The following CLCA1 variants were observed in gnomAD, a reference collection of about 807,000 sequenced individuals.
CLCA1 encodes the protein chloride channel accessory 1.
In CLCA1, 59 loss-of-function variants were observed where a neutral mutation model predicts 85.6. That is an observed-to-expected ratio of 0.69 (90% CI 0.56 to 0.86). The LOEUF (loss-of-function observed/expected upper bound fraction) is 0.86, where lower values mean the gene tolerates loss of function less well. CLCA1 is among the 40% of genes least tolerant of loss of function. The pLI is 0.00. For missense variants in CLCA1, 1,022 were observed against 1,101.4 expected (o/e 0.93, Z 1.02); for synonymous variants, 396 against 398.3 (o/e 0.99, Z 0.07).
At position 86,499,863 on chromosome 1, in the gene CLCA1, G is replaced by T; in HGVS notation, c.2563G>T (p.Glu855Ter). ...QAVDKVDLKS[E>*]ISNIARVSLF... ...TGTTGATAAGGTCGATCTGAAATCA[G>T]AAATATCCAACATTGCACGAGTATC... The change falls in exon 14 of 14, where the codon GAA becomes TAA. Residue 855 changes from glutamate (E) to a stop codon, truncating the protein, a stop_gained. Transcript: ENST00000394711. LOFTEE classifies it low-confidence loss of function (END_TRUNC). The T allele has an allele frequency of 3.1e-6, 5 of 1,613,860 alleles. No individual in the cohort carries two copies. Among genetic ancestry groups the T allele is most frequent in the Non-Finnish European group, 4.2e-6 (5 of 1,179,746 alleles).
At position 86,492,889 on chromosome 1, in the gene CLCA1, C is replaced by T. The variant is rs5744396; in HGVS notation, c.1465-495C>T. Reference sequence around the variant, plus strand: ...GCTTCATATACCAATAAATATAGGGCGAAGCACAATATGATGAATGTCGAA... The same window carrying T: ...GCTTCATATACCAATAAATATAGGGTGAAGCACAATATGATGAATGTCGAA... On this transcript the variant is annotated intron_variant, in intron 9 of 13. Transcript: ENST00000394711. 8.3e-3 allele frequency among the ~76,000 whole-genome samples: 1,255 copies of T among 152,106 alleles called. 19 individuals are homozygous for T. Among genetic ancestry groups the T allele is most frequent in the African/African-American group, 0.026 (1,094 of 41,482 alleles).
rs200993741 is a variant in CLCA1 at position 86,495,456 on chromosome 1, A to G, written c.1943-49A>G. 3.7e-4 allele frequency: 548 copies of G among 1,476,946 alleles called. 1 individual carries two copies. Among genetic ancestry groups the G allele is most frequent in the Non-Finnish European group, 4.7e-4 (504 of 1,067,388 alleles). The allele number at this position is 1,476,946 out of a possible 1,614,324, so 91.5% of individuals were successfully genotyped here. A position where few individuals can be genotyped will look rare whatever the true frequency, so the allele number is the denominator to read the frequency against. On this transcript the variant is annotated intron_variant, in intron 11 of 13. Coordinates refer to ENST00000394711, the MANE Select transcript of CLCA1 (RefSeq NM_001285.4). ...GCCTACATATGAGTTGGAAATATACAAATACCCTCCCCGTTACCTATTTAT... is the reference window on the plus strand; with the variant it reads ...GCCTACATATGAGTTGGAAATATACGAATACCCTCCCCGTTACCTATTTAT...
At position 86,486,761 on chromosome 1, in the gene CLCA1, G is replaced by A. The variant is rs2101739971; in HGVS notation, c.1182+8G>A. 5 of 1,612,480 alleles carry A rather than the reference G, an allele frequency of 3.1e-6. No individual in the cohort carries two copies. Among genetic ancestry groups the A allele is most frequent in the Non-Finnish European group, 2.5e-6 (3 of 1,178,470 alleles). On this transcript the variant is annotated splice_region_variant and intron_variant, in intron 7 of 13. Coordinates refer to ENST00000394711, the MANE Select transcript of CLCA1 (RefSeq NM_001285.4). ...CTTCGATCGGCATTTACTGTGAGAT[G>A]TGTTTTTCTATTGTAGTTTGGAATG...
At chr1:86,476,179 C>CA (rs1283110842) in intron 3 of CLCA1, among the ~76,000 whole-genome samples, 1 of 152,214 alleles carries the variant, frequency 6.6e-6, no homozygotes, top group African/African-American at 2.4e-5. Flanking sequence ...CCCTCCACTA[C>CA]ACCAGGAGCT....
Position 86,492,353 on chromosome 1 carries a change from A to G in CLCA1, c.1464+982A>G, listed in dbSNP as rs527639724. 7.9e-5 allele frequency among the ~76,000 whole-genome samples: 12 copies of G among 152,364 alleles called. No individual in the cohort carries two copies. The East Asian group carries it at 2.3e-3, about 29-fold the overall frequency. On this transcript the variant is annotated intron_variant, in intron 9 of 13. Transcript: ENST00000394711. ...TGGAAAAGGGAGGAATGTCTCCTAG[A>G]AAAGTAATTAAAGTGATAAAAGGAC...
intron 4 of CLCA1, among the ~76,000 whole-genome samples, chr1:86,479,754 G>A (rs190198892): frequency 3.3e-5 from 5 of 152,114 alleles, no homozygotes; most frequent in African/African-American, 4.8e-5. Context: ...GCGTGGTGGC[G>A]GGTGCCTGTA....
chr1:86,481,795 C>T (rs758086254), intron 4 of CLCA1, among the ~76,000 whole-genome samples: 1 of 152,094 alleles, frequency 6.6e-6, no homozygotes, highest in Non-Finnish European at 1.5e-5. Flanking sequence ...CAGAACTCTA[C>T]AAAAACCATG....
chr1:86,474,565 A>AG lies in CLCA1; in HGVS notation c.451+689_451+690insG, dbSNP rs1558133482. On this transcript the variant is annotated intron_variant, in intron 3 of 13. Transcript: ENST00000394711. ...CGAGACTCCGTATCAAAAAAAAAAA[A>AG]AGGGGGGGGATTCTCATTCATTAGG... Among the ~76,000 whole-genome samples, 88 of 149,046 alleles carry AG rather than the reference A, an allele frequency of 5.9e-4. 1 individual carries two copies. Among genetic ancestry groups the AG allele is most frequent in the East Asian group, 1.4e-3 (7 of 5,066 alleles).
In CLCA1 at chr1:86,473,548, C is replaced by T. The variant is rs745380109; in HGVS notation, c.294C>T (p.Thr98=). 2 of 1,587,826 alleles carry T rather than the reference C, an allele frequency of 1.3e-6. No homozygotes were observed. The highest frequency in any genetic ancestry group is 1.7e-6 in the Non-Finnish European group (2 of 1,164,940). Residue 98 remains threonine (T), a synonymous_variant, in exon 2 of 14, where the codon ACC becomes ACT. Coordinates refer to ENST00000394711, the MANE Select transcript of CLCA1 (RefSeq NM_001285.4). ...KADYVRPKLE[T]YKNADVLVAE... ...ACTATGTGAGACCAAAACTTGAGAC[C>T]TACAAAAATGTGAGAATATCAAGTT...
chr1:86,487,904 C>A (rs1648024621), intron 7 of CLCA1, among the ~76,000 whole-genome samples: 1 of 152,184 alleles, frequency 6.6e-6, no homozygotes, highest in Non-Finnish European at 1.5e-5. Flanking sequence ...GGGAGTGCGA[C>A]AAGAAAATCC....
At chr1:86,491,139 G>A (rs1174705606) in intron 8 of CLCA1, 126 bp from the exon 9 acceptor site, 3 of 573,318 alleles carry the variant, frequency 5.2e-6, no homozygotes, top group African/African-American at 3.7e-5. Context: ...CCTATTTGAT[G>A]TTGATCTATT....
At chr1:86,498,235 C>T (rs1170051332) in intron 12 of CLCA1, among the ~76,000 whole-genome samples, 3 of 150,622 alleles carry the variant, frequency 2.0e-5, no homozygotes, top group Non-Finnish European at 4.4e-5. Context: ...TTTAAACTGA[C>T]CTTGTGGAAA....
In CLCA1 at chr1:86,485,040, T is replaced by C. The variant is rs1201064410; in HGVS notation, c.736-303T>C. On this transcript the variant is annotated intron_variant, in intron 5 of 13. Coordinates refer to ENST00000394711, the MANE Select transcript of CLCA1 (RefSeq NM_001285.4). ...AGATAAGATGGTTCCAAGAGAGGAA[T>C]GCTGGAGAGGGTGCTATGGAGAGAG... 2.0e-5 allele frequency among the ~76,000 whole-genome samples: 3 copies of C among 151,978 alleles called. No homozygotes were observed. In the East Asian group the frequency reaches 5.8e-4, roughly 29 times the overall value.
At position 86,476,459 on chromosome 1, in the gene CLCA1, G is replaced by A; in HGVS notation, c.463G>A (p.Val155Ile). 1 of 1,584,658 alleles carries A rather than the reference G, an allele frequency of 6.3e-7. No homozygotes were observed. The highest frequency in any genetic ancestry group is 8.7e-7 in the Non-Finnish European group (1 of 1,154,136). ...AEYGPQGRAF[V>I]HEWAHLRWGV... is the part of the protein sequence containing the mutation. ...ATACTTTCTCACAGGTAGGGCATTT[G>A]TCCATGAGTGGGCTCATCTACGATG... is the stretch of plus-strand genomic sequence containing the variant. Residue 155 changes from valine (V) to isoleucine (I), a missense_variant, in exon 4 of 14, where the codon GTC becomes ATC. Transcript: ENST00000394711.
intron 7 of CLCA1, among the ~76,000 whole-genome samples, chr1:86,488,471 T>C (rs1430782816): frequency 1.3e-5 from 2 of 152,186 alleles, no homozygotes; most frequent in Non-Finnish European, 2.9e-5. Context: ...ATGTTTTGCT[T>C]TAATCAGAAA....
rs190365530 is a variant in CLCA1 at position 86,474,941 on chromosome 1, C to T, written c.451+1065C>T. Reference sequence around the variant, plus strand: ...TTGATTTTTTTTAACATATAAGGCACAGAAAACAAGCAAACAAAAGAACGC... The same window carrying T: ...TTGATTTTTTTTAACATATAAGGCATAGAAAACAAGCAAACAAAAGAACGC... On this transcript the variant is annotated intron_variant, in intron 3 of 13. Transcript: ENST00000394711. Among the ~76,000 whole-genome samples, 16 of 152,146 alleles carry T rather than the reference C, an allele frequency of 1.1e-4. No individual in the cohort carries two copies. The East Asian group carries it at 1.7e-3, about 17-fold the overall frequency.
intron 10 of CLCA1, 67 bp from the exon 11 acceptor site, chr1:86,494,120 G>C (rs762611588): frequency 5.7e-6 from 9 of 1,570,804 alleles, no homozygotes; most frequent in Non-Finnish European, 7.8e-6. Flanking sequence ...TCCCGTACGT[G>C]ACATTGAAGT....
intron 3 of CLCA1, among the ~76,000 whole-genome samples, chr1:86,475,548 A>G (rs1647617786): frequency 6.6e-6 from 1 of 152,184 alleles, no homozygotes; most frequent in East Asian, 1.9e-4. Context: ...ACTGTTTATC[A>G]TTGTAAGTGC....
At chr1:86,473,274 T>C in intron 1 of CLCA1, 143 bp from the exon 2 acceptor site, 1 of 554,846 alleles carries the variant, frequency 1.8e-6, no homozygotes, top group African/African-American at 1.9e-5. Context: ...GCTATTATTA[T>C]TAAAAGGTAT....
Sources: gnomAD v4.1 joint callset for allele counts (sites outside exome capture counted in the v4.1 genomes callset) on GRCh38, gnomAD v4.1.1 for gene constraint, MANE v1.5 for transcripts, NCBI Gene and HGNC (gene_info 2026-07-23, HGNC 2026-07-21) for gene names.